Variants in SLC4A4 observed in about 807,000 individuals in gnomAD.
The protein encoded by SLC4A4 is electrogenic sodium bicarbonate cotransporter 1.
SLC4A4 carries 27 observed loss-of-function variants against 111.5 expected under a neutral mutation model. The observed-to-expected ratio is 0.24, with a 90% CI of 0.18 to 0.33. SLC4A4 has a LOEUF of 0.33. SLC4A4 is among the 10% of genes least tolerant of loss of function. The pLI, the probability that SLC4A4 is intolerant of heterozygous loss-of-function variation, is 1.00. For missense variants in SLC4A4, 909 were observed against 1,315.5 expected, an observed-to-expected ratio of 0.69 and a Z score of 4.78; for synonymous variants, 443 against 463.4, an observed-to-expected ratio of 0.96 and a Z score of 0.57.
At chr4:71,201,234 A>T (rs2602090) in intron 1 of SLC4A4, among the ~76,000 whole-genome samples, 42,325 of 152,060 alleles carry the variant, frequency 0.28, 9,138 homozygotes, top group African/African-American at 0.58. Context: ...CCTCAGCTGA[A>T]CCCATCAGGA....
At chr4:71,276,388 CAA>C (rs1445155744) in intron 3 of SLC4A4, among the ~76,000 whole-genome samples, 1 of 152,192 alleles carries the variant, frequency 6.6e-6, no homozygotes, top group Non-Finnish European at 1.5e-5. Flanking sequence ...CTACCACAAT[CAA>C]GACACAGAAG....
chr4:71,277,315 TA>T (rs1395234646), intron 3 of SLC4A4, among the ~76,000 whole-genome samples: 1 of 152,194 alleles, frequency 6.6e-6, no homozygotes, highest in Non-Finnish European at 1.5e-5. Context: ...GAATTATCAT[TA>T]TTTTTTTATT....
In SLC4A4 at chr4:71,443,211, C is replaced by T. The variant is rs1011217408; in HGVS notation, c.965+2438C>T. Among the ~76,000 whole-genome samples the T allele has an allele frequency of 3.7e-4, 54 of 146,034 alleles. 1 individual carries two copies. The highest frequency in any genetic ancestry group is 1.0e-4 in the Non-Finnish European group (7 of 67,032). The stretch of plus-strand genomic sequence containing the variant: ...TGTCACCCAGGCTGGAGTGCAGTGG[C>T]GTGATCTTGGCTCACTGCAACCCCC... On this transcript the variant is annotated intron_variant, in intron 8 of 25. Coordinates refer to ENST00000264485, the MANE Select transcript of SLC4A4 (RefSeq NM_001098484.3).
intron 12 of SLC4A4, among the ~76,000 whole-genome samples, chr4:71,463,676 G>A (rs754251445): frequency 1.1e-4 from 17 of 152,050 alleles, no homozygotes; most frequent in Admixed American, 2.0e-4. Flanking sequence ...TATCTTTACC[G>A]AATGAGCAAC....
chr4:71,292,202 T>G (rs185642682), intron 3 of SLC4A4, among the ~76,000 whole-genome samples: 108 of 152,310 alleles, frequency 7.1e-4, no homozygotes, highest in Non-Finnish European at 1.2e-3. Context: ...TAGATGAAAA[T>G]GTAGTACTTT....
chr4:71,164,548 AAAACAAAC>A (rs138597579), intron 2 of SLC4A4, among the ~76,000 whole-genome samples: 6 of 151,478 alleles, frequency 4.0e-5, no homozygotes, highest in East Asian at 1.9e-4. Flanking sequence ...ATGAAAAAAC[AAAACAAAC>A]AAACAAACAA....
chr4:71,329,616 A>T (rs930475289), intron 3 of SLC4A4, among the ~76,000 whole-genome samples: 21 of 151,984 alleles, frequency 1.4e-4, no homozygotes, highest in Admixed American at 1.2e-3. Flanking sequence ...TCTTTTTCAG[A>T]TTGTTCACTG....
chr4:71,083,869 T>C (rs1201739583), intron 1 of SLC4A4, among the ~76,000 whole-genome samples: 1 of 148,668 alleles, frequency 6.7e-6, no homozygotes. Context: ...ATAGAACTTG[T>C]AGTGCATTGC....
chr4:71,547,598 A>T (rs1228600088), intron 19 of SLC4A4, 50 bp from the exon 20 acceptor site: 1 of 1,429,284 alleles, frequency 7.0e-7, no homozygotes, highest in Non-Finnish European at 9.9e-7. Flanking sequence ...AGACAAGAGC[A>T]TGTTTATGAA....
At chr4:71,502,257 C>A (rs184334888) in intron 16 of SLC4A4, among the ~76,000 whole-genome samples, 1 of 152,144 alleles carries the variant, frequency 6.6e-6, no homozygotes, top group Non-Finnish European at 1.5e-5. Context: ...CACTGCACCC[C>A]GGCTGATTTT....
chr4:71,485,294 T>A lies in SLC4A4; in HGVS notation c.1904-1654T>A, dbSNP rs148470486. ...TTGTCATATATGTCTCTTATTATTT[T>A]GAAGTATGTTCCTTCAACACCTAGT... On this transcript the variant is annotated intron_variant, in intron 14 of 25. Coordinates refer to ENST00000264485, the MANE Select transcript of SLC4A4 (RefSeq NM_001098484.3). 1.8e-3 allele frequency among the ~76,000 whole-genome samples: 272 copies of A among 151,922 alleles called. 1 individual carries two copies. The highest frequency in any genetic ancestry group is 6.3e-3 in the African/African-American group (260 of 41,500).
chr4:71,364,657 A>G (rs1731084236), intron 6 of SLC4A4, among the ~76,000 whole-genome samples: 1 of 152,156 alleles, frequency 6.6e-6, no homozygotes, highest in Non-Finnish European at 1.5e-5. Flanking sequence ...TCTTGACTTA[A>G]TCACTTTACA....
chr4:71,287,982 T>C (rs1290347806), intron 3 of SLC4A4, among the ~76,000 whole-genome samples: 1 of 152,174 alleles, frequency 6.6e-6, no homozygotes, highest in East Asian at 1.9e-4. Context: ...AGTTAATATG[T>C]TACCTTATCC....
At position 71,145,969 on chromosome 4, in the gene SLC4A4, T is replaced by A. The variant is rs549495406; in HGVS notation, c.-2+53177T>A. The stretch of plus-strand genomic sequence containing the variant: ...TCCTTCAGTTCTGCTCTGATCTTAG[T>A]TATTTCTTTCCTTCTGCTAGCTTTG... On this transcript the variant is annotated intron_variant, in intron 2 of 26. Transcript: ENST00000649996. Among the ~76,000 whole-genome samples the A allele has an allele frequency of 4.6e-5, 7 of 152,314 alleles. No homozygotes were observed. In the South Asian group the frequency reaches 1.4e-3, roughly 32 times the overall value.
chr4:71,255,295 G>C lies in SLC4A4; in HGVS notation c.149G>C (p.Gly50Ala), dbSNP rs41265669. The change falls in exon 3 of 26, where the codon GGG becomes GCG. Residue 50 changes from glycine to alanine, a missense_variant. By Grantham distance (60) the Gly-to-Ala change is moderately conservative. Transcript: ENST00000264485. Reference sequence around the variant, plus strand: ...AGGAGACGTCACAAGAGAAAGACAGGGCACAAAGAAAAGAAGGAAAAGGAG... The same window carrying C: ...AGGAGACGTCACAAGAGAAAGACAGCGCACAAAGAAAAGAAGGAAAAGGAG... ...RRRRRHKRKT[G>A]HKEKKEKERI... 4,181 of 1,613,320 alleles carry C rather than the reference G, an allele frequency of 2.6e-3. 8 individuals carry two copies. Among genetic ancestry groups the C allele is most frequent in the Non-Finnish European group, 3.3e-3 (3,835 of 1,179,526 alleles).
intron 6 of SLC4A4, among the ~76,000 whole-genome samples, chr4:71,394,858 T>G (rs542215824): frequency 6.6e-6 from 1 of 152,088 alleles, no homozygotes; most frequent in Admixed American, 6.6e-5. Flanking sequence ...CTCACTGATA[T>G]GTGAGAGCTA....
At chr4:71,486,670 C>CT (rs67649416) in intron 14 of SLC4A4, among the ~76,000 whole-genome samples, 118,226 of 148,428 alleles carry the variant, frequency 0.8, 47,431 homozygotes, top group East Asian at 0.94. Flanking sequence ...AGTTTTATTT[C>CT]TTTTTTTTTT....
At position 71,432,841 on chromosome 4, in the gene SLC4A4, T is replaced by C. The variant is rs540373793; in HGVS notation, c.808-7775T>C. On this transcript the variant is annotated intron_variant, in intron 7 of 25. Transcript: ENST00000264485. ...GAAATGGAAGTTGAAAATGTTGGTA[T>C]AACCTTTTTATTAATGGGGAAATGG... Among the ~76,000 whole-genome samples the C allele has an allele frequency of 4.6e-5, 7 of 152,234 alleles. No homozygotes were observed. The South Asian group carries it at 1.5e-3, about 32-fold the overall frequency.
rs151250926 is a variant in SLC4A4, at chr4:71,503,865, G to A, written c.2166+6173G>A. 3.5e-3 allele frequency among the ~76,000 whole-genome samples: 537 copies of A among 152,194 alleles called. 3 individuals carry two copies. Among genetic ancestry groups the A allele is most frequent in the Non-Finnish European group, 5.6e-3 (380 of 68,000 alleles). On this transcript the variant is annotated intron_variant, in intron 16 of 25. Coordinates refer to ENST00000264485, the MANE Select transcript of SLC4A4 (RefSeq NM_001098484.3). Reference sequence around the variant, plus strand: ...AAGCATTTTTTATAAGACTGATCTAGCAATAATGAATTCCCTCAGCTTTTG... The same window carrying A: ...AAGCATTTTTTATAAGACTGATCTAACAATAATGAATTCCCTCAGCTTTTG...
Sources: gnomAD v4.1 joint callset for allele counts (sites outside exome capture counted in the v4.1 genomes callset) on GRCh38, gnomAD v4.1.1 for gene constraint, MANE v1.5 for transcripts, NCBI Gene and HGNC (gene_info 2026-07-23, HGNC 2026-07-21) for gene names.